The following NTNG1 variants were observed in gnomAD, a reference collection of about 807,000 sequenced individuals.
NTNG1 encodes the protein netrin-G1.
A neutral mutation model predicts 54.0 loss-of-function variants in NTNG1; 16 were observed. The ratio of observed to expected loss-of-function variants is 0.30; its 90% CI spans 0.20 to 0.45. NTNG1 has a LOEUF of 0.45. NTNG1 is among the 20% of genes least tolerant of loss of function. The probability of loss-of-function intolerance (pLI) is 1.00; values close to 1 mark genes in which losing one functional copy is unlikely to be tolerated. For synonymous variants in NTNG1, 255 were observed against 263.1 expected (o/e 0.97, Z 0.30); for missense variants, 530 against 678.7 (o/e 0.78, Z 2.43).
intron 7 of NTNG1, among the ~76,000 whole-genome samples, chr1:107,441,522 G>A (rs1675965364): frequency 6.6e-6 from 1 of 152,072 alleles, no homozygotes; most frequent in African/African-American, 2.4e-5. Flanking sequence ...ATAGCAAGGG[G>A]GAGACAGATC....
At chr1:107,304,702 A>G (rs563445001) in intron 2 of NTNG1, among the ~76,000 whole-genome samples, 1 of 151,590 alleles carries the variant, frequency 6.6e-6, no homozygotes, top group East Asian at 1.9e-4. Flanking sequence ...CTTCCCAACC[A>G]TGAAAAACAC....
chr1:107,438,278 T>C (rs1675734851), intron 7 of NTNG1, among the ~76,000 whole-genome samples: 1 of 152,154 alleles, frequency 6.6e-6, no homozygotes, highest in Non-Finnish European at 1.5e-5. Flanking sequence ...AACTGAGGTC[T>C]CCAGCCTTGC....
chr1:107,256,678 G>A (rs1358072052), intron 2 of NTNG1, among the ~76,000 whole-genome samples: 1 of 152,198 alleles, frequency 6.6e-6, no homozygotes, highest in Admixed American at 6.5e-5. Flanking sequence ...CCTTGCTCCA[G>A]TAGTTCCATG....
intron 2 of NTNG1, among the ~76,000 whole-genome samples, chr1:107,263,294 TTCCTTCC>T: frequency 1.6e-5 from 2 of 128,194 alleles, no homozygotes; most frequent in South Asian, 4.9e-4. Flanking sequence ...CCTTCCTTCC[TTCCTTCC>T]TTCCTTCCTT....
chr1:107,217,343 T>C lies in NTNG1; in HGVS notation c.246+68504T>C, dbSNP rs1212416536. ...ATTTGAATCTTCTCTCTTCTTTTCT[T>C]GGTTAATCTCGCTAATGGTCTATTA... On this transcript the variant is annotated intron_variant, in intron 2 of 7. Coordinates refer to ENST00000370068, the MANE Select transcript of NTNG1 (RefSeq NM_001113226.3). Among the ~76,000 whole-genome samples, 3 of 152,204 alleles carry C rather than the reference T, an allele frequency of 2.0e-5. No homozygotes were observed. The East Asian group carries it at 5.8e-4, about 29-fold the overall frequency.
chr1:107,275,575 C>T (rs1339860078), intron 2 of NTNG1, among the ~76,000 whole-genome samples: 1 of 151,928 alleles, frequency 6.6e-6, no homozygotes, highest in Non-Finnish European at 1.5e-5. Context: ...AGTCCAAAGA[C>T]CAGCAGGCTC....
At chr1:107,421,857 G>C (rs1444040) in intron 5 of NTNG1, among the ~76,000 whole-genome samples, 42,472 of 151,774 alleles carry the variant, frequency 0.28, 6,225 homozygotes, top group Non-Finnish European at 0.3. Context: ...ACCCTTGACT[G>C]TTGGGCATAT....
chr1:107,229,020 A>G (rs1386850786), intron 2 of NTNG1, among the ~76,000 whole-genome samples: 2 of 152,116 alleles, frequency 1.3e-5, no homozygotes, highest in African/African-American at 4.8e-5. Context: ...TGGCTTGAGG[A>G]TGCATGAAAC....
chr1:107,373,285 T>A (rs941000592), intron 3 of NTNG1, among the ~76,000 whole-genome samples: 2 of 152,096 alleles, frequency 1.3e-5, no homozygotes, highest in African/African-American at 4.8e-5. Context: ...ATATAATATA[T>A]AACTATAATT....
At chr1:107,213,309 G>A (rs1659716238) in intron 2 of NTNG1, among the ~76,000 whole-genome samples, 1 of 152,052 alleles carries the variant, frequency 6.6e-6, no homozygotes, top group South Asian at 2.1e-4. Context: ...CCTGTCTAAA[G>A]AGACTGTCAC....
intron 3 of NTNG1, among the ~76,000 whole-genome samples, chr1:107,356,066 G>A (rs1336928852): frequency 1.3e-5 from 2 of 152,098 alleles, no homozygotes; most frequent in Admixed American, 6.5e-5. Flanking sequence ...GATTTAGTCT[G>A]TTCTTCTCAC....
chr1:107,331,873 A>G (rs1038164651), intron 3 of NTNG1, among the ~76,000 whole-genome samples: 2 of 152,010 alleles, frequency 1.3e-5, no homozygotes, highest in African/African-American at 4.8e-5. Flanking sequence ...TCTTTTTTTC[A>G]AGCTAAATGG....
intron 2 of NTNG1, among the ~76,000 whole-genome samples, chr1:107,319,177 C>CT (rs1667502275): frequency 6.6e-6 from 1 of 152,120 alleles, no homozygotes; most frequent in African/African-American, 2.4e-5. Flanking sequence ...TCAGAATAGT[C>CT]TAAGTGTCTT....
chr1:107,140,366 C>G (rs114378660), upstream of NTNG1, among the ~76,000 whole-genome samples: 1 of 152,234 alleles, frequency 6.6e-6, no homozygotes, highest in Non-Finnish European at 1.5e-5. Context: ...TGGCACTGGC[C>G]CCTAAGTTTG....
rs1250961003 is a variant in NTNG1 at position 107,290,512 on chromosome 1, T to A, written c.247-33770T>A. Among the ~76,000 whole-genome samples the A allele has an allele frequency of 3.3e-5, 5 of 152,114 alleles. No individual in the cohort carries two copies. In the East Asian group the frequency reaches 7.7e-4, roughly 23 times the overall value. On this transcript the variant is annotated intron_variant, in intron 2 of 7. Transcript: ENST00000370068. ...GCTTCATTTGCAAAATTAGTGTAAA[T>A]AATTTATACCTAATTTTTAAGAGGA...
chr1:107,377,488 A>G (rs1169461369), intron 3 of NTNG1, among the ~76,000 whole-genome samples: 2 of 152,208 alleles, frequency 1.3e-5, no homozygotes, highest in Middle Eastern at 6.3e-3. Context: ...GGAGAAAAAC[A>G]ATGGCTCTGT....
At chr1:107,389,346 T>C (rs572475481) in intron 3 of NTNG1, among the ~76,000 whole-genome samples, 1 of 152,300 alleles carries the variant, frequency 6.6e-6, no homozygotes, top group South Asian at 2.1e-4. Flanking sequence ...ACATTAGTAA[T>C]AGGCTATATG....
chr1:107,469,124 G>A (rs1179867185), intron 7 of NTNG1, among the ~76,000 whole-genome samples: 1 of 147,692 alleles, frequency 6.8e-6, no homozygotes, highest in African/African-American at 2.5e-5. Context: ...AACAACGAAA[G>A]GAGCGTTCCT....
intron 2 of NTNG1, among the ~76,000 whole-genome samples, chr1:107,203,254 C>T (rs1322391382): frequency 6.6e-6 from 1 of 151,080 alleles, no homozygotes; most frequent in East Asian, 1.9e-4. Flanking sequence ...ATGCACATTC[C>T]TTAATAGTTT....
Sources: allele counts gnomAD v4.1 joint callset (sites outside exome capture counted in the v4.1 genomes callset), GRCh38; gene constraint gnomAD v4.1.1; transcripts MANE v1.5; gene names NCBI Gene and HGNC (gene_info 2026-07-23, HGNC 2026-07-21).